RBM44: variants seen among roughly 807,000 people sequenced by gnomAD.
RBM44 encodes RNA binding motif protein 44.
RBM44 carries 66 observed loss-of-function variants against 105.1 expected under a neutral mutation model. The ratio of observed to expected loss-of-function variants is 0.63; its 90% confidence interval spans 0.52 to 0.77. The LOEUF (loss-of-function observed/expected upper bound fraction) is 0.77, where lower values mean the gene tolerates loss of function less well. Among genes scored for constraint, RBM44 ranks in the 30% least tolerant of loss-of-function variants. RBM44 has a pLI of 0.00. For missense variants in RBM44, 1,122 were observed against 1,207.8 expected, an observed-to-expected ratio of 0.93 and a Z score of 1.05; for synonymous variants, 365 against 417.6, an observed-to-expected ratio of 0.87 and a Z score of 1.54.
intron 1 of RBM44, among the ~76,000 whole-genome samples, chr2:237,806,911 G>A (rs1472694553): frequency 1.3e-5 from 2 of 152,148 alleles, no homozygotes; most frequent in Non-Finnish European, 2.9e-5. Flanking sequence ...CACTGTCACT[G>A]CCACAATATC....
intron 10 of RBM44, among the ~76,000 whole-genome samples, chr2:237,826,249 T>A (rs1050961497): frequency 2.6e-5 from 4 of 152,154 alleles, no homozygotes; most frequent in African/African-American, 9.7e-5. Context: ...TAAGGATTTA[T>A]TCAGCAAATA....
At chr2:237,813,537 T>C (rs1267105679) in intron 1 of RBM44, 55 bp from the exon 2 acceptor site, 3 of 957,226 alleles carry the variant, frequency 3.1e-6, no homozygotes, top group Non-Finnish European at 4.8e-6. Flanking sequence ...TTTATGTAGT[T>C]GTCAATTTAT....
At position 237,823,520 on chromosome 2, in the gene RBM44, T is replaced by C; in HGVS notation, c.2286T>C (p.Asn762=). 1 of 1,532,322 alleles carries C rather than the reference T, an allele frequency of 6.5e-7. No individual in the cohort carries two copies. Among genetic ancestry groups the C allele is most frequent in the Non-Finnish European group, 8.9e-7 (1 of 1,128,236 alleles). The allele number at this position is 1,532,322 out of a possible 1,614,324, so 94.9% of individuals were successfully genotyped here. ...ATGACTTTAAAAATGGTGATATAAA[T>C]GCAGACTTTAGTCAACTGAAACTTG... ...KKDDFKNGDI[N]ADFSQLKLGD... The change falls in exon 9 of 16, where the codon AAT becomes AAC. Residue 762 remains asparagine (N), a synonymous_variant. Transcript: ENST00000316997.
chr2:237,835,511 A>T (rs2150990524), intron 15 of RBM44, among the ~76,000 whole-genome samples: 1 of 152,340 alleles, frequency 6.6e-6, no homozygotes, highest in South Asian at 2.1e-4. Context: ...TATTGATGGG[A>T]TTACAAGTGC....
chr2:237,802,080 C>G (rs2061551471), intron 1 of RBM44, among the ~76,000 whole-genome samples: 1 of 152,132 alleles, frequency 6.6e-6, no homozygotes, highest in Admixed American at 6.6e-5. Flanking sequence ...CAGTCAAAAT[C>G]AATACTAAAT....
intron 2 of RBM44, 23 bp from the exon 3 acceptor site, chr2:237,816,970 G>A (rs1229263126): frequency 2.2e-6 from 3 of 1,387,160 alleles, no homozygotes; most frequent in East Asian, 2.4e-5. Flanking sequence ...TGCTGTTAAT[G>A]TTTTTATCCT....
Position 237,817,798 on chromosome 2 carries a change from A to C in RBM44, c.879A>C (p.Val293=). 6.2e-7 allele frequency: 1 copy of C among 1,611,144 alleles called. No homozygotes were observed. The highest frequency in any genetic ancestry group is 1.3e-5 in the African/African-American group (1 of 74,902). Residue 293 remains valine (V), a synonymous_variant, in exon 3 of 16, where the codon GTA becomes GTC. Transcript: ENST00000316997. ...AGACTAATTCAATGTACCACACTGT[A>C]TTTGATGGCAGTGTACTAAGAAGCA... The part of the protein sequence containing the change: ...EQETNSMYHT[V]FDGSVLRSNS...
In RBM44 at chr2:237,842,292, A is replaced by G. The variant is rs1276978064; in HGVS notation, c.*476A>G. The G allele has an allele frequency of 1.3e-5, 2 of 152,168 alleles. No homozygotes were observed. Among genetic ancestry groups the G allele is most frequent in the African/African-American group, 4.8e-5 (2 of 41,458 alleles). The allele number at this position is 152,168 out of a possible 1,614,324, so 9.4% of individuals were successfully genotyped here. A position where few individuals can be genotyped will look rare whatever the true frequency, so the allele number is the denominator to read the frequency against. ...CTTACATTGGATTATAGGATAACAG[A>G]TAAATAAACTGTATAGATACATTCA... On this transcript the variant is annotated 3_prime_UTR_variant, in exon 16 of 16. Transcript: ENST00000316997.
chr2:237,799,936 G>A (rs2061528793), intron 1 of RBM44, among the ~76,000 whole-genome samples: 1 of 152,120 alleles, frequency 6.6e-6, no homozygotes, highest in Non-Finnish European at 1.5e-5. Context: ...GGAGTTTCGT[G>A]CACTGGAGGA....
chr2:237,800,654 T>C (rs1004385572), intron 1 of RBM44, among the ~76,000 whole-genome samples: 4 of 152,198 alleles, frequency 2.6e-5, no homozygotes, highest in Non-Finnish European at 4.4e-5. Context: ...AAAATGTTGC[T>C]TTAATTTCTA....
chr2:237,824,017 G>A (rs1041551385), intron 9 of RBM44, among the ~76,000 whole-genome samples: 1 of 152,084 alleles, frequency 6.6e-6, no homozygotes, highest in African/African-American at 2.4e-5. Flanking sequence ...CAAAAATTAA[G>A]GGTTTCAATA....
chr2:237,804,601 G>A (rs544235873), intron 1 of RBM44, among the ~76,000 whole-genome samples: 10 of 152,238 alleles, frequency 6.6e-5, no homozygotes, highest in Admixed American at 2.6e-4. Context: ...AGACGTGTCT[G>A]TTTATGTCCT....
intron 10 of RBM44, 49 bp from the exon 11 acceptor site, chr2:237,827,201 A>G (rs1039025521): frequency 5.9e-6 from 6 of 1,019,068 alleles, no homozygotes; most frequent in African/African-American, 1.6e-5. Flanking sequence ...TCTCTGAAAC[A>G]TATCAGTACA....
chr2:237,816,256 T>G (rs377055794), intron 2 of RBM44, among the ~76,000 whole-genome samples: 2 of 152,188 alleles, frequency 1.3e-5, no homozygotes, highest in East Asian at 3.8e-4. Flanking sequence ...TGTGTTAAAA[T>G]TACATTTTTG....
At chr2:237,807,485 C>T (rs1203318437) in intron 1 of RBM44, among the ~76,000 whole-genome samples, 1 of 152,188 alleles carries the variant, frequency 6.6e-6, no homozygotes, top group African/African-American at 2.4e-5. Context: ...TCAAAAGCAT[C>T]TGAGAACTAG....
In RBM44 at chr2:237,817,038, A is replaced by G. The variant is rs573286585; in HGVS notation, c.119A>G (p.Asn40Ser). 52 of 1,576,534 alleles carry G rather than the reference A, an allele frequency of 3.3e-5. No individual in the cohort carries two copies. The highest frequency in any genetic ancestry group is 3.3e-5 in the Non-Finnish European group (39 of 1,164,972). The change falls in exon 3 of 16, where the codon AAT (asparagine) becomes AGT (serine). Residue 40 changes from asparagine (N) to serine (S), a missense_variant. Asn to Ser is a conservative substitution (Grantham distance 46). Transcript: ENST00000316997. ...PKKENLLLSS[N>S]GCDEVKLTFP... Reference sequence around the variant, plus strand: ...AAAGAAAATTTGTTATTATCCTCCAATGGTTGTGATGAAGTCAAATTGACT... The same window carrying G: ...AAAGAAAATTTGTTATTATCCTCCAGTGGTTGTGATGAAGTCAAATTGACT...
intron 1 of RBM44, among the ~76,000 whole-genome samples, chr2:237,811,332 T>C (rs907856560): frequency 2.0e-5 from 3 of 152,158 alleles, no homozygotes; most frequent in Non-Finnish European, 2.9e-5. Context: ...TGCAGTGGCA[T>C]GATCATAGCT....
chr2:237,814,162 T>G (rs1056241540), intron 2 of RBM44, among the ~76,000 whole-genome samples: 3 of 152,184 alleles, frequency 2.0e-5, no homozygotes, highest in African/African-American at 7.2e-5. Flanking sequence ...ATATATATTC[T>G]AGATTAAAAC....
Position 237,821,825 on chromosome 2 carries a change from CAAGT to C in RBM44, c.2205+2_2205+5del. On this transcript the variant is annotated splice_donor_variant and coding_sequence_variant, in exon 8 of 16. Transcript: ENST00000316997. LOFTEE classifies it high-confidence loss of function. ...TTCAAACCTAAAAAAGACACTCTCT[CAAGT>C]AAGGGTCCTTGAAAGTTCATCAATG... 1.3e-6 allele frequency: 2 copies of C among 1,594,390 alleles called. No homozygotes were observed. Among genetic ancestry groups the C allele is most frequent in the Non-Finnish European group, 1.7e-6 (2 of 1,163,446 alleles).
Sources: gnomAD v4.1 joint callset for allele counts (sites outside exome capture counted in the v4.1 genomes callset) on GRCh38, gnomAD v4.1.1 for gene constraint, MANE v1.5 for transcripts, NCBI Gene and HGNC (gene_info 2026-07-23, HGNC 2026-07-21) for gene names.